Variants in GALNTL6 observed in about 807,000 individuals in gnomAD.
GALNTL6 encodes polypeptide N-acetylgalactosaminyltransferase-like 6.
In GALNTL6, 46 loss-of-function variants were observed where a neutral mutation model predicts 73.7. The ratio of observed to expected loss-of-function variants is 0.62; its 90% CI spans 0.49 to 0.80. The LOEUF is 0.80. Among genes scored for constraint, GALNTL6 ranks in the 30% least tolerant of loss-of-function variants. The pLI, the probability that GALNTL6 is intolerant of heterozygous loss-of-function variation, is 0.00. For synonymous variants in GALNTL6, 259 were observed against 263.7 expected, an observed-to-expected ratio of 0.98 and a Z score of 0.17; for missense variants, 604 against 755.0, an observed-to-expected ratio of 0.80 and a Z score of 2.34.
intron 5 of GALNTL6, among the ~76,000 whole-genome samples, chr4:172,799,859 G>A (rs1740512423): frequency 6.6e-6 from 1 of 152,136 alleles, no homozygotes; most frequent in Non-Finnish European, 1.5e-5. Context: ...AAAGGTGAAA[G>A]CAACCAAAAT....
At chr4:173,006,350 G>A (rs1391641296) in intron 10 of GALNTL6, among the ~76,000 whole-genome samples, 1 of 152,192 alleles carries the variant, frequency 6.6e-6, no homozygotes, top group African/African-American at 2.4e-5. Context: ...CCTGCTCAGA[G>A]TTCTGTCAGG....
intron 5 of GALNTL6, among the ~76,000 whole-genome samples, chr4:172,643,074 G>T (rs1345922908): frequency 6.7e-6 from 1 of 150,190 alleles, no homozygotes; most frequent in Admixed American, 6.6e-5. Flanking sequence ...AGATAAATTT[G>T]GTTATTTTAA....
At chr4:172,984,732 T>C (rs1269452579) in intron 10 of GALNTL6, among the ~76,000 whole-genome samples, 3 of 152,122 alleles carry the variant, frequency 2.0e-5, no homozygotes, top group African/African-American at 4.8e-5. Context: ...TATCCTCTTA[T>C]AAGAAACCTG....
chr4:172,790,033 C>T (rs1049920693), intron 5 of GALNTL6, among the ~76,000 whole-genome samples: 5 of 152,058 alleles, frequency 3.3e-5, no homozygotes, highest in African/African-American at 7.2e-5. Context: ...TGTGAGAATC[C>T]GAAATAGTTT....
At chr4:172,883,070 G>A (rs1189062974) in intron 8 of GALNTL6, among the ~76,000 whole-genome samples, 163 bp downstream of exon 8, 5 of 152,000 alleles carry the variant, frequency 3.3e-5, no homozygotes, top group Admixed American at 2.6e-4. Flanking sequence ...TTTGGTTTTT[G>A]TTTTTATTTT....
chr4:172,871,080 G>T (rs7673435), intron 7 of GALNTL6, among the ~76,000 whole-genome samples: 38,908 of 151,956 alleles, frequency 0.26, 5,430 homozygotes, highest in African/African-American at 0.37. Context: ...TTTAAGTAAG[G>T]GGGTAGCAGG....
chr4:172,395,721 A>G (rs993078428), intron 5 of GALNTL6, among the ~76,000 whole-genome samples: 6 of 152,196 alleles, frequency 3.9e-5, no homozygotes, highest in Admixed American at 3.3e-4. Flanking sequence ...TATTGATACA[A>G]GAGATGAAAT....
chr4:172,709,793 GTTTT>G (rs1395279949), intron 5 of GALNTL6, among the ~76,000 whole-genome samples: 1 of 152,058 alleles, frequency 6.6e-6, no homozygotes, highest in Non-Finnish European at 1.5e-5. Context: ...ACAATAGGGT[GTTTT>G]GAAAACTGAA....
intron 11 of GALNTL6, among the ~76,000 whole-genome samples, 198 bp from the exon 12 acceptor site, chr4:173,021,278 C>G (rs1752979206): frequency 6.6e-6 from 1 of 152,098 alleles, no homozygotes. Context: ...CAGCCTGGAC[C>G]AAAAGTGCAG....
intron 5 of GALNTL6, among the ~76,000 whole-genome samples, chr4:172,650,566 T>G (rs1429526856): frequency 6.6e-6 from 1 of 152,104 alleles, no homozygotes; most frequent in Non-Finnish European, 1.5e-5. Context: ...AGAACCAAGT[T>G]AATCGAATCA....
chr4:172,282,621 A>G (rs549663634), intron 3 of GALNTL6, among the ~76,000 whole-genome samples: 1 of 150,402 alleles, frequency 6.6e-6, no homozygotes, highest in South Asian at 2.1e-4. Context: ...TGTAAGTGCA[A>G]TGGAAAGACA....
chr4:171,946,898 A>C (rs1738717728), intron 2 of GALNTL6, among the ~76,000 whole-genome samples: 1 of 101,130 alleles, frequency 9.9e-6, no homozygotes, highest in Non-Finnish European at 2.3e-5. Flanking sequence ...AGGACTCCAT[A>C]TGTTTTACTA....
chr4:171,882,281 T>C (rs1283171609), intron 2 of GALNTL6, among the ~76,000 whole-genome samples: 2 of 152,212 alleles, frequency 1.3e-5, no homozygotes, highest in African/African-American at 4.8e-5. Flanking sequence ...ACAGTGTACT[T>C]GCCTGACCCC....
At chr4:172,006,176 C>A (rs1296885210) in intron 2 of GALNTL6, among the ~76,000 whole-genome samples, 1 of 152,160 alleles carries the variant, frequency 6.6e-6, no homozygotes, top group African/African-American at 2.4e-5. Flanking sequence ...ACAGAGGACA[C>A]GATTGAAATG....
intron 5 of GALNTL6, among the ~76,000 whole-genome samples, chr4:172,732,589 A>T (rs1736216888): frequency 6.6e-6 from 1 of 151,990 alleles, no homozygotes; most frequent in African/African-American, 2.4e-5. Context: ...TGGTTTTGAG[A>T]TTCCTCTCTT....
At chr4:172,833,443 G>A (rs563628484) in intron 7 of GALNTL6, among the ~76,000 whole-genome samples, 14 of 152,212 alleles carry the variant, frequency 9.2e-5, no homozygotes, top group East Asian at 3.9e-4. Flanking sequence ...TAGACAGGGC[G>A]AAATAAGGCA....
rs74618232 is a variant in GALNTL6, at chr4:172,474,270, T to C, written c.553+125581T>C. Reference sequence around the variant, plus strand: ...CTTTCTCTGGACATCCTACTGAACATTGCAAGCTGCCGGCCCCACCCTGTC... The same window carrying C: ...CTTTCTCTGGACATCCTACTGAACACTGCAAGCTGCCGGCCCCACCCTGTC... On this transcript the variant is annotated intron_variant, in intron 5 of 12. Transcript: ENST00000506823. 8.8e-3 allele frequency among the ~76,000 whole-genome samples: 1,345 copies of C among 152,286 alleles called. 19 individuals are homozygous for C. The highest frequency in any genetic ancestry group is 0.03 in the African/African-American group (1,237 of 41,556).
chr4:172,736,326 T>A (rs1270879722), intron 5 of GALNTL6, among the ~76,000 whole-genome samples: 2 of 152,220 alleles, frequency 1.3e-5, no homozygotes, highest in Non-Finnish European at 2.9e-5. Flanking sequence ...CCCAGGGCTG[T>A]TCCTTGCTGA....
intron 2 of GALNTL6, among the ~76,000 whole-genome samples, chr4:172,035,474 T>C (rs995431411): frequency 1.4e-5 from 2 of 144,490 alleles, no homozygotes. Context: ...TGTTATAATA[T>C]AACTAAGTAA....
Sources: allele counts gnomAD v4.1 joint callset (sites outside exome capture counted in the v4.1 genomes callset), GRCh38; gene constraint gnomAD v4.1.1; transcripts MANE v1.5; gene names NCBI Gene and HGNC (gene_info 2026-07-23, HGNC 2026-07-21).